TCEANC: variants seen among roughly 807,000 people sequenced by gnomAD.
TCEANC encodes transcription elongation factor A N-terminal and central domain-containing protein.
TCEANC carries 8 observed loss-of-function variants against 8.7 expected under a neutral mutation model. That is an observed-to-expected ratio of 0.92 (90% confidence interval 0.54 to 1.65). The LOEUF (loss-of-function observed/expected upper bound fraction) is 1.65, where lower values mean the gene tolerates loss of function less well. Ranked by LOEUF, TCEANC falls within the 40% of genes most tolerant of loss-of-function variation. The pLI, the probability that TCEANC is intolerant of heterozygous loss-of-function variation, is 0.00. For missense variants in TCEANC, 255 were observed against 251.9 expected, an observed-to-expected ratio of 1.01 and a Z score of -0.08; for synonymous variants, 78 against 92.9, an observed-to-expected ratio of 0.84 and a Z score of 0.92.
chrX:13,662,359 A>G (rs2045972643), intron 1 of TCEANC, 142 bp from the exon 5 acceptor site: 1 of 512,922 alleles, frequency 1.9e-6, no homozygotes. Context: ...TCCATTTTCT[A>G]GCGTGTCGCA....
intron 1 of TCEANC, among the ~76,000 whole-genome samples, chrX:13,662,216 G>A (rs892908575): frequency 1.8e-5 from 2 of 111,701 alleles, no homozygotes; most frequent in African/African-American, 6.5e-5. Flanking sequence ...AATTGGAGGT[G>A]GAAAAGCTAT....
At chrX:13,664,563 T>C (rs2046000134) in exon 2 of TCEANC, 1 of 122,530 alleles carries the variant, frequency 8.2e-6, no homozygotes, top group South Asian at 3.8e-4. Context: ...TTTCCCCCTG[T>C]GAACAGGTTT....
chrX:13,662,576 T>G (rs768336616), exon 2 of TCEANC: 1 of 1,211,650 alleles, frequency 8.3e-7, no homozygotes, highest in African/African-American at 1.7e-5. Flanking sequence ...AAAAGGAATT[T>G]TGAGGATCTT....
exon 2 of TCEANC, chrX:13,663,755 A>G: frequency 1.2e-5 from 5 of 409,110 alleles, no homozygotes; most frequent in Middle Eastern, 6.9e-4. Context: ...ATGACTATTT[A>G]TATTGTGCCT....
At chrX:13,657,633 C>A (rs1046532544) in intron 1 of TCEANC, among the ~76,000 whole-genome samples, 2 of 110,384 alleles carry the variant, frequency 1.8e-5, no homozygotes, top group Non-Finnish European at 3.8e-5. Flanking sequence ...CATGATGAAA[C>A]CCTGTCTCTA....
intron 1 of TCEANC, among the ~76,000 whole-genome samples, 42 bp from the exon 4 acceptor site, chrX:13,660,989 T>C (rs2045962670): frequency 9.0e-6 from 1 of 111,046 alleles, no homozygotes; most frequent in African/African-American, 3.3e-5. Context: ...GGACTACAGG[T>C]GCCCGCCACC....
chrX:13,660,716 G>A (rs1469246545), intron 1 of TCEANC, among the ~76,000 whole-genome samples: 1 of 112,425 alleles, frequency 8.9e-6, no homozygotes, highest in African/African-American at 3.2e-5. Flanking sequence ...TGGACATTTC[G>A]ATTATTTCCC....
intron 1 of TCEANC, among the ~76,000 whole-genome samples, chrX:13,657,807 C>CAAAAAAAA (rs34205512): frequency 1.5e-5 from 1 of 68,863 alleles, no homozygotes; most frequent in African/African-American, 5.6e-5. Flanking sequence ...GACTCCATCT[C>CAAAAAAAA]AAAAAAAAAA....
chrX:13,662,825 C>A (rs772050390), exon 2 of TCEANC: 2 of 1,211,706 alleles, frequency 1.7e-6, no homozygotes, highest in Admixed American at 4.3e-5. Flanking sequence ...TCAGGACCTT[C>A]TCATGACCCA....
At chrX:13,663,456 C>A in exon 2 of TCEANC, 1 of 1,179,058 alleles carries the variant, frequency 8.5e-7, no homozygotes, top group South Asian at 1.9e-5. Context: ...GAACACTTTT[C>A]CTTCCCAGCT....
At chrX:13,657,360 A>G (rs2045930894) in intron 1 of TCEANC, among the ~76,000 whole-genome samples, 1 of 112,388 alleles carries the variant, frequency 8.9e-6, no homozygotes, top group South Asian at 3.6e-4. Context: ...TAACATAACC[A>G]TTTAAAAATC....
At chrX:13,656,228 T>C (rs762488286) in intron 1 of TCEANC, among the ~76,000 whole-genome samples, 5 of 112,367 alleles carry the variant, frequency 4.4e-5, no homozygotes, top group Non-Finnish European at 9.4e-5. Flanking sequence ...GGCCAGTTTC[T>C]TGTCAGTATT....
At position 13,659,785 on chromosome X, in the gene TCEANC, C is replaced by T. The variant is rs141313759; in HGVS notation, c.-8-2716C>T. On this transcript the variant is annotated intron_variant, in intron 1 of 1. Transcript: ENST00000380600. ...GGACTACAGGTATGCGCCACTACAT[C>T]CAGCTAACTTTTTGTATTTTTGGTG... 1,056 of 111,351 alleles carry T rather than the reference C, an allele frequency of 9.5e-3. 41 individuals carry two copies. In the East Asian group the frequency reaches 0.12, roughly 13 times the overall value. 9.2% of individuals were successfully genotyped at this position (111,351 alleles called of 1,213,427 possible). A position where few individuals can be genotyped will look rare whatever the true frequency, so the allele number is the denominator to read the frequency against.
chrX:13,658,573 G>GATATGC (rs10667209), intron 1 of TCEANC, among the ~76,000 whole-genome samples: 1 of 110,260 alleles, frequency 9.1e-6, no homozygotes, highest in African/African-American at 3.3e-5. Context: ...ATACATTTAA[G>GATATGC]ATACTGAAAA....
chrX:13,656,561 T>C (rs1227735786), intron 1 of TCEANC, among the ~76,000 whole-genome samples: 1 of 112,081 alleles, frequency 8.9e-6, no homozygotes, highest in Admixed American at 9.5e-5. Flanking sequence ...AAATTAAAAA[T>C]AGAATTACCA....
intron 1 of TCEANC, among the ~76,000 whole-genome samples, chrX:13,657,807 C>CAAAA (rs34205512): frequency 2.9e-5 from 2 of 68,832 alleles, no homozygotes; most frequent in Non-Finnish European, 5.5e-5. Flanking sequence ...GACTCCATCT[C>CAAAA]AAAAAAAAAA....
chrX:13,656,906 A>G (rs892314958), intron 1 of TCEANC, among the ~76,000 whole-genome samples: 1 of 112,608 alleles, frequency 8.9e-6, no homozygotes. Flanking sequence ...AGTCTCATCC[A>G]TAGAGACAGA....
chrX:13,662,721 G>A, exon 2 of TCEANC: 1 of 1,211,646 alleles, frequency 8.3e-7, no homozygotes, highest in Non-Finnish European at 1.1e-6. Flanking sequence ...CCAAGTGTTT[G>A]CTATCAAAGT....
chrX:13,664,465 A>G (rs2045998581), exon 2 of TCEANC: 3 of 123,501 alleles, frequency 2.4e-5, no homozygotes, highest in African/African-American at 9.7e-5. Context: ...CCTGGAACTC[A>G]TCCCGCAGTT....
Sources: gnomAD v4.1 joint callset for allele counts (sites outside exome capture counted in the v4.1 genomes callset) on GRCh38, gnomAD v4.1.1 for gene constraint, MANE v1.5 for transcripts, NCBI Gene and HGNC (gene_info 2026-07-23, HGNC 2026-07-21) for gene names.